Variants in DAPK1 observed in about 807,000 individuals in gnomAD.
DAPK1 encodes death associated protein kinase 1, also known as death-associated protein kinase 1.
DAPK1 carries 56 observed loss-of-function variants against 144.9 expected under a neutral mutation model. That is an observed-to-expected ratio of 0.39 (90% CI 0.31 to 0.48). The LOEUF is 0.48. DAPK1 is among the 20% of genes least tolerant of loss of function. The pLI is 0.95. For missense variants in DAPK1, 1,454 were observed against 1,875.4 expected, an observed-to-expected ratio of 0.78 and a Z score of 4.15; for synonymous variants, 690 against 749.0, an observed-to-expected ratio of 0.92 and a Z score of 1.29.
At chr9:87,654,548 A>G (rs1830568708) in intron 17 of DAPK1, among the ~76,000 whole-genome samples, 1 of 152,232 alleles carries the variant, frequency 6.6e-6, no homozygotes, top group African/African-American at 2.4e-5. Context: ...GGTTTTAGCC[A>G]TTAGCTGCTG....
chr9:87,616,681 A>G (rs966666963), intron 3 of DAPK1, among the ~76,000 whole-genome samples: 2 of 152,274 alleles, frequency 1.3e-5, no homozygotes, highest in African/African-American at 2.4e-5. Flanking sequence ...CCCTCTGAGA[A>G]TGGAGCTGTC....
At chr9:87,564,258 A>G (rs1183498345) in intron 2 of DAPK1, among the ~76,000 whole-genome samples, 1 of 152,064 alleles carries the variant, frequency 6.6e-6, no homozygotes, top group East Asian at 1.9e-4. Context: ...TTGGTGGGTT[A>G]TTGGGTGACA....
chr9:87,602,991 C>T (rs138439944), intron 2 of DAPK1, among the ~76,000 whole-genome samples: 25 of 151,588 alleles, frequency 1.6e-4, no homozygotes, highest in East Asian at 5.8e-4. Context: ...ATTGAAACTA[C>T]TGAGTGTGCC....
intron 17 of DAPK1, among the ~76,000 whole-genome samples, chr9:87,656,565 A>G (rs545265318): frequency 2.1e-3 from 324 of 152,334 alleles, no homozygotes; most frequent in African/African-American, 7.3e-3. Context: ...TGTTTTCTGC[A>G]TTACTGCAGA....
In DAPK1 at chr9:87,707,253, G is replaced by T; in HGVS notation, c.4182G>T (p.Lys1394Asn). Residue 1394 changes from lysine to asparagine, a missense_variant, in exon 26 of 26, where the codon AAG becomes AAT. By Grantham distance (94) the Lys-to-Asn change is moderately conservative (BLOSUM62 0). Around this residue, in one of 2 missense-constraint regions of DAPK1, gnomAD observed 1,025 missense variants for 1,237.9 expected, o/e 0.83. Coordinates refer to ENST00000408954, the MANE Select transcript of DAPK1 (RefSeq NM_004938.4). This position sits in a 1 kb window ranked among gnomAD's most constrained non-coding sequence, Gnocchi z 4.0. ...GGGATGCCGCAGACTTTTTGCTGAAGGCATCCTCTGTGTTCAAAATCAACC... is the reference window on the plus strand; with the variant it reads ...GGGATGCCGCAGACTTTTTGCTGAATGCATCCTCTGTGTTCAAAATCAACC... ...GRRDAADFLL[K>N]ASSVFKINLD... The T allele has an allele frequency of 6.2e-7, 1 of 1,614,112 alleles. No individual in the cohort carries two copies. The highest frequency in any genetic ancestry group is 2.2e-5 in the East Asian group (1 of 44,882).
intron 2 of DAPK1, among the ~76,000 whole-genome samples, chr9:87,595,050 A>T (rs929263376): frequency 4.6e-5 from 7 of 152,222 alleles, no homozygotes; most frequent in Admixed American, 3.9e-4. Flanking sequence ...AAGTGTTGAA[A>T]ATGCAAAGGA....
intron 16 of DAPK1, among the ~76,000 whole-genome samples, chr9:87,650,919 C>T (rs1587811439): frequency 1.3e-5 from 2 of 152,254 alleles, no homozygotes; most frequent in East Asian, 1.9e-4. Context: ...GCTGAGAAAC[C>T]CTAGCACAGT....
intron 2 of DAPK1, among the ~76,000 whole-genome samples, chr9:87,596,598 C>T (rs370848603): frequency 6.6e-6 from 1 of 152,132 alleles, no homozygotes; most frequent in South Asian, 2.1e-4. Context: ...TGAGAGGGCC[C>T]GTTTTTCTGA....
intron 3 of DAPK1, among the ~76,000 whole-genome samples, chr9:87,607,772 T>C (rs10746820): frequency 0.45 from 68,347 of 151,944 alleles, 16,468 homozygotes; most frequent in East Asian, 0.63. Flanking sequence ...TACCCCTTCA[T>C]GCCTGCCCTC....
chr9:87,660,182 G>C (rs545291602), intron 18 of DAPK1, among the ~76,000 whole-genome samples: 3 of 152,156 alleles, frequency 2.0e-5, no homozygotes, highest in African/African-American at 4.8e-5. Flanking sequence ...TGGAGCTGGC[G>C]TGGAGGCCCA....
In DAPK1 at chr9:87,640,425, A is replaced by G; in HGVS notation, c.757A>G (p.Arg253Gly). ...CAGTGCCCTAGCCAAAGATTTCATAAGAAGACTTCTGGTCAAGGATCCAAA... is the reference window on the plus strand; with the variant it reads ...CAGTGCCCTAGCCAAAGATTTCATAGGAAGACTTCTGGTCAAGGATCCAAA... The part of the protein sequence containing the change: ...NTSALAKDFI[R>G]RLLVKDPKKR... The change falls in exon 8 of 26, where the codon AGA becomes GGA. Residue 253 changes from arginine to glycine, a missense_variant. This residue lies in a region of DAPK1 where 429 missense variants were observed against 637.5 expected (regional missense o/e 0.67). Transcript: ENST00000408954. 1 of 1,614,146 alleles carries G rather than the reference A, an allele frequency of 6.2e-7. No individual in the cohort carries two copies. The highest frequency in any genetic ancestry group is 1.7e-4 in the Middle Eastern group (1 of 6,060).
At position 87,606,245 on chromosome 9, in the gene DAPK1, A is replaced by G; in HGVS notation, c.284+1070A>G. ...ACCCTGCAGGTACCTCCACTTTGCAATCCCAGGTGCCTGCGGTCCCCACAG... is the reference window on the plus strand; with the variant it reads ...ACCCTGCAGGTACCTCCACTTTGCAGTCCCAGGTGCCTGCGGTCCCCACAG... On this transcript the variant is annotated intron_variant, in intron 3 of 25. Coordinates refer to ENST00000408954, the MANE Select transcript of DAPK1 (RefSeq NM_004938.4). 1.3e-5 allele frequency among the ~76,000 whole-genome samples: 2 copies of G among 152,096 alleles called. 1 individual carries two copies. The highest frequency in any genetic ancestry group is 2.9e-5 in the Non-Finnish European group (2 of 68,012).
At chr9:87,602,223 C>T (rs1022674314) in intron 2 of DAPK1, among the ~76,000 whole-genome samples, 6 of 152,174 alleles carry the variant, frequency 3.9e-5, no homozygotes, top group African/African-American at 1.4e-4. Context: ...TCATTCTAGA[C>T]CCTCATTTTA....
chr9:87,615,870 T>C (rs1175670276), intron 3 of DAPK1, among the ~76,000 whole-genome samples: 1 of 152,226 alleles, frequency 6.6e-6, no homozygotes, highest in Non-Finnish European at 1.5e-5. Context: ...GACAGTAGCC[T>C]CTTGGAGAGA....
intron 2 of DAPK1, among the ~76,000 whole-genome samples, chr9:87,564,051 A>G (rs1002175536): frequency 6.6e-6 from 1 of 151,966 alleles, no homozygotes; most frequent in African/African-American, 2.4e-5. Context: ...TCTTTTTCCT[A>G]TATTCAAAAC....
chr9:87,674,227 G>A (rs1457116050), intron 19 of DAPK1, among the ~76,000 whole-genome samples: 2 of 152,042 alleles, frequency 1.3e-5, no homozygotes, highest in South Asian at 2.1e-4. Context: ...GGCTGGGTGC[G>A]GTGGCTCACG....
intron 18 of DAPK1, among the ~76,000 whole-genome samples, chr9:87,659,651 T>C (rs1317483869): frequency 6.6e-6 from 1 of 152,124 alleles, no homozygotes; most frequent in Non-Finnish European, 1.5e-5. Flanking sequence ...TCTGTATCAG[T>C]GGTCCCCGCC....
intron 2 of DAPK1, among the ~76,000 whole-genome samples, chr9:87,594,554 C>G (rs1407284321): frequency 6.6e-6 from 1 of 152,226 alleles, no homozygotes; most frequent in South Asian, 2.1e-4. Context: ...TGGTGCATCT[C>G]TAGGCTCAGG....
At chr9:87,546,169 G>T (rs1308257540) in intron 2 of DAPK1, among the ~76,000 whole-genome samples, 4 of 152,102 alleles carry the variant, frequency 2.6e-5, no homozygotes, top group African/African-American at 9.7e-5. Context: ...TTCAGATATG[G>T]TGAAGCTTAC....
Sources: allele counts gnomAD v4.1 joint callset (sites outside exome capture counted in the v4.1 genomes callset), GRCh38; gene constraint gnomAD v4.1.1; regional missense constraint gnomAD v4.1.1; non-coding constraint Gnocchi (gnomAD v3.1); transcripts MANE v1.5; gene names NCBI Gene and HGNC (gene_info 2026-07-23, HGNC 2026-07-21).